Variants in SEC24D observed in about 807,000 individuals in gnomAD.
The protein encoded by SEC24D is protein transport protein Sec24D.
Under a neutral mutation model 116.9 loss-of-function variants are expected in SEC24D, and 69 were observed. The ratio of observed to expected loss-of-function variants is 0.59; its 90% CI spans 0.49 to 0.72. SEC24D has a LOEUF of 0.72. Ranked by LOEUF, SEC24D falls within the 30% of genes least tolerant of loss-of-function variation. The probability of loss-of-function intolerance (pLI) is 0.00; values close to 1 mark genes in which losing one functional copy is unlikely to be tolerated. For synonymous variants in SEC24D, 405 were observed against 442.8 expected, an observed-to-expected ratio of 0.91 and a Z score of 1.07; for missense variants, 1,131 against 1,264.1, an observed-to-expected ratio of 0.89 and a Z score of 1.60.
Position 118,831,271 on chromosome 4 carries a change from C to T in SEC24D, c.118+2308G>A, listed in dbSNP as rs543879792. Reference sequence around the variant, plus strand: ...CTCAAACTCCGGGCCTCAAGTGATCCACTTGTCTTGGTCTCCCAAAGTGTT... The same window carrying T: ...CTCAAACTCCGGGCCTCAAGTGATCTACTTGTCTTGGTCTCCCAAAGTGTT... On this transcript the variant is annotated intron_variant, in intron 2 of 22. Transcript: ENST00000280551. 2.6e-5 allele frequency among the ~76,000 whole-genome samples: 4 copies of T among 152,286 alleles called. No homozygotes were observed. The South Asian group carries it at 8.3e-4, about 32-fold the overall frequency.
intron 7 of SEC24D, among the ~76,000 whole-genome samples, chr4:118,802,691 T>C (rs1201860086): frequency 6.6e-6 from 1 of 152,166 alleles, no homozygotes; most frequent in Non-Finnish European, 1.5e-5. Flanking sequence ...CACTCCTTCC[T>C]TCATACTCTT....
intron 8 of SEC24D, among the ~76,000 whole-genome samples, chr4:118,774,872 T>A (rs972860367): frequency 4.6e-5 from 7 of 152,236 alleles, no homozygotes; most frequent in African/African-American, 1.4e-4. Context: ...AAACCTCAGG[T>A]AAGAACTCTC....
chr4:118,726,956 T>C (rs1329885022), intron 22 of SEC24D, among the ~76,000 whole-genome samples: 4 of 152,254 alleles, frequency 2.6e-5, no homozygotes, highest in African/African-American at 7.2e-5. Context: ...TTTAAAAGTA[T>C]GTTTTCATTT....
intron 8 of SEC24D, among the ~76,000 whole-genome samples, chr4:118,779,384 T>A (rs1728293752): frequency 1.3e-5 from 2 of 152,232 alleles, no homozygotes. Flanking sequence ...TCATTGGTTC[T>A]GTTTATGTGA....
chr4:118,731,980 G>A (rs1439855620), intron 20 of SEC24D, among the ~76,000 whole-genome samples: 1 of 146,134 alleles, frequency 6.8e-6, no homozygotes, highest in African/African-American at 2.5e-5. Context: ...GGATCAGCAT[G>A]AAGCCCAGTG....
intron 6 of SEC24D, among the ~76,000 whole-genome samples, chr4:118,812,001 A>G (rs1729940892): frequency 6.6e-6 from 1 of 152,116 alleles, no homozygotes; most frequent in Non-Finnish European, 1.5e-5. Flanking sequence ...CAGTCTTGGG[A>G]CTTGCTTTGG....
intron 8 of SEC24D, among the ~76,000 whole-genome samples, chr4:118,785,742 C>G (rs902016307): frequency 5.3e-5 from 8 of 152,146 alleles, no homozygotes; most frequent in African/African-American, 1.7e-4. Context: ...AGTCTCTTTC[C>G]CATCTACATA....
rs969746461 is a variant in SEC24D at position 118,799,534 on chromosome 4, A to G, written c.914-1724T>C. On this transcript the variant is annotated intron_variant, in intron 7 of 22. Coordinates refer to ENST00000280551, the MANE Select transcript of SEC24D (RefSeq NM_014822.4). The stretch of plus-strand genomic sequence containing the variant: ...AGATGGTATTTGAAACCATGAAACC[A>G]GGTTAAAACCACCAAGGGAATAATT... 1.4e-4 allele frequency among the ~76,000 whole-genome samples: 21 copies of G among 152,356 alleles called. No homozygotes were observed. The East Asian group carries it at 4.0e-3, about 29-fold the overall frequency.
intron 19 of SEC24D, among the ~76,000 whole-genome samples, chr4:118,737,449 TTTATCTGCA>T (rs1726017244): frequency 6.6e-6 from 1 of 152,216 alleles, no homozygotes; most frequent in Admixed American, 6.5e-5. Context: ...GGACCCAAAA[TTTATCTGCA>T]TTATCTTTCC....
In SEC24D at chr4:118,824,972, A is replaced by T. The variant is rs567309375; in HGVS notation, c.119-223T>A. ...TGAAAGAGCAGAAAAGAAGGGAATC[A>T]TTTTATCACTAAACAGAAACTAAAA... On this transcript the variant is annotated intron_variant, in intron 2 of 22. Coordinates refer to ENST00000280551, the MANE Select transcript of SEC24D (RefSeq NM_014822.4). 1.3e-3 allele frequency among the ~76,000 whole-genome samples: 193 copies of T among 152,314 alleles called. 5 individuals carry two copies. In the South Asian group the frequency reaches 0.036, roughly 29 times the overall value.
At position 118,817,382 on chromosome 4, in the gene SEC24D, C is replaced by T. The variant is rs1409615820; in HGVS notation, c.279G>A (p.Val93=). The change falls in exon 4 of 23, where the codon GTG becomes GTA. Residue 93 remains valine, a synonymous_variant. Coordinates refer to ENST00000280551, the MANE Select transcript of SEC24D (RefSeq NM_014822.4). The part of the protein sequence containing the change: ...RFPGPPPVNN[V]ASSHAPYQPS... Reference sequence around the variant, plus strand: ...GTTGGTATGGTGCATGTGAGGATGCCACATTGTTGACAGGTGGAGGGCCTG... The same window carrying T: ...GTTGGTATGGTGCATGTGAGGATGCTACATTGTTGACAGGTGGAGGGCCTG... 6.2e-7 allele frequency: 1 copy of T among 1,611,202 alleles called. No homozygotes were observed. Among genetic ancestry groups the T allele is most frequent in the East Asian group, 2.2e-5 (1 of 44,706 alleles).
At chr4:118,783,437 G>C (rs1728520046) in intron 8 of SEC24D, among the ~76,000 whole-genome samples, 1 of 152,144 alleles carries the variant, frequency 6.6e-6, no homozygotes, top group African/African-American at 2.4e-5. Context: ...TAGAATGTAA[G>C]CTCCATGAGG....
chr4:118,728,898 A>G (rs903722339), intron 21 of SEC24D: 5 of 389,862 alleles, frequency 1.3e-5, no homozygotes, highest in African/African-American at 8.2e-5. Context: ...ACACATGTAC[A>G]TCACTGAAAT....
intron 13 of SEC24D, among the ~76,000 whole-genome samples, chr4:118,745,777 C>T (rs1726488640): frequency 6.6e-6 from 1 of 152,148 alleles, no homozygotes; most frequent in African/African-American, 2.4e-5. Flanking sequence ...AATATATTGT[C>T]CTTCCAACCC....
chr4:118,819,456 G>C (rs1048316670), intron 3 of SEC24D, among the ~76,000 whole-genome samples: 11 of 151,160 alleles, frequency 7.3e-5, no homozygotes, highest in Admixed American at 5.9e-4. Flanking sequence ...GCGTGAACCT[G>C]GGAGGCGGAG....
chr4:118,783,235 G>A (rs1728509990), intron 8 of SEC24D, among the ~76,000 whole-genome samples: 1 of 152,162 alleles, frequency 6.6e-6, no homozygotes, highest in Admixed American at 6.5e-5. Flanking sequence ...CGACCATCTT[G>A]GAACAGACCC....
intron 9 of SEC24D, among the ~76,000 whole-genome samples, chr4:118,765,959 A>G (rs1183377651): frequency 6.6e-6 from 1 of 152,194 alleles, no homozygotes; most frequent in Non-Finnish European, 1.5e-5. Context: ...AACTTCTTGA[A>G]AAGATTACAT....
intron 17 of SEC24D, among the ~76,000 whole-genome samples, chr4:118,739,881 C>G (rs1410341121): frequency 6.6e-6 from 1 of 152,106 alleles, no homozygotes; most frequent in East Asian, 1.9e-4. Flanking sequence ...CATAGTTTTT[C>G]TTGTTTTAAT....
At chr4:118,738,528 G>C in intron 18 of SEC24D, 149 bp from the exon 19 acceptor site, 1 of 651,794 alleles carries the variant, frequency 1.5e-6, no homozygotes, top group Admixed American at 2.7e-5. Flanking sequence ...ATTTGCTAAT[G>C]GTCTCCTCTT....
Sources: allele counts gnomAD v4.1 joint callset (sites outside exome capture counted in the v4.1 genomes callset), GRCh38; gene constraint gnomAD v4.1.1; transcripts MANE v1.5; gene names NCBI Gene and HGNC (gene_info 2026-07-23, HGNC 2026-07-21).